Variants in COL6A5 observed in about 807,000 individuals in gnomAD.
The protein encoded by COL6A5 is collagen type VI alpha 5 chain.
COL6A5 carries 48 observed loss-of-function variants against 65.6 expected under a neutral mutation model. The ratio of observed to expected loss-of-function variants is 0.73; its 90% CI spans 0.58 to 0.93. The LOEUF (loss-of-function observed/expected upper bound fraction) is 0.93. COL6A5 is among the 40% of genes least tolerant of loss of function. The pLI is 0.00. For missense variants in COL6A5, 914 were observed against 928.3 expected (o/e 0.98, Z 0.20); for synonymous variants, 291 against 322.8 (o/e 0.90, Z 1.05).
intron 8 of COL6A5, among the ~76,000 whole-genome samples, chr3:130,397,226 C>A (rs1418469167): frequency 1.3e-5 from 2 of 152,086 alleles, no homozygotes; most frequent in African/African-American, 4.8e-5. Context: ...AAAATGCACG[C>A]CCACATGCAT....
intron 22 of COL6A5, among the ~76,000 whole-genome samples, 159 bp from the exon 23 acceptor site, chr3:130,415,486 G>T (rs1291498034): frequency 6.6e-6 from 1 of 152,062 alleles, no homozygotes; most frequent in Non-Finnish European, 1.5e-5. Context: ...AGTCCACTGG[G>T]CCTGTCCTCA....
At chr3:130,395,811 G>A (rs577615296) in intron 8 of COL6A5, among the ~76,000 whole-genome samples, 2 of 152,134 alleles carry the variant, frequency 1.3e-5, no homozygotes, top group Non-Finnish European at 2.9e-5. Context: ...CATCCAGTAG[G>A]AAGTAAGTAA....
At chr3:130,437,062 T>A (rs1319925796) in intron 1 of COL6A5, among the ~76,000 whole-genome samples, 1 of 152,118 alleles carries the variant, frequency 6.6e-6, no homozygotes, top group African/African-American at 2.4e-5. Flanking sequence ...CGTACAGCCC[T>A]CTTCATCACA....
rs568952008 is a variant in COL6A5 at position 130,412,587 on chromosome 3, G to A, written c.4663-958G>A. Among the ~76,000 whole-genome samples, 7 of 152,292 alleles carry A rather than the reference G, an allele frequency of 4.6e-5. No individual in the cohort carries two copies. In the South Asian group the frequency reaches 1.5e-3, roughly 32 times the overall value. ...ACAGAATTGTGATGTTATAGGAACC[G>A]AGGCCTCAATCTTTGTTTACTGTTT... On this transcript the variant is annotated intron_variant and NMD_transcript_variant, in intron 20 of 41. Coordinates refer to the COL6A5 transcript ENST00000312481.
chr3:130,471,433 A>G (rs1709950548), intron 7 of COL6A5, among the ~76,000 whole-genome samples: 1 of 152,138 alleles, frequency 6.6e-6, no homozygotes, highest in Non-Finnish European at 1.5e-5. Flanking sequence ...TACAACCCTA[A>G]GTACTCAATA....
chr3:130,430,613 A>T (rs568831226), upstream of COL6A5, among the ~76,000 whole-genome samples: 1 of 152,236 alleles, frequency 6.6e-6, no homozygotes, highest in African/African-American at 2.4e-5. Flanking sequence ...TTCAGTCATC[A>T]TAAGACATGA....
At chr3:130,352,796 A>G (rs1934772399) in intron 1 of COL6A5, among the ~76,000 whole-genome samples, 3 of 152,214 alleles carry the variant, frequency 2.0e-5, no homozygotes, top group Non-Finnish European at 4.4e-5. Context: ...TTTGGACAGA[A>G]GGAGATAACA....
intron 1 of COL6A5, among the ~76,000 whole-genome samples, chr3:130,346,970 TTAAAG>T (rs1266022279): frequency 6.6e-6 from 1 of 152,214 alleles, no homozygotes; most frequent in Non-Finnish European, 1.5e-5. Flanking sequence ...TTCATATGAA[TTAAAG>T]TAGAGAAGAT....
intron 13 of COL6A5, 50 bp from the exon 14 acceptor site, chr3:130,405,538 C>A: frequency 1.4e-6 from 2 of 1,399,354 alleles, no homozygotes; most frequent in Non-Finnish European, 2.0e-6. Context: ...CCACTGGCAG[C>A]TTCTGGCAAA....
rs143134200 is a variant in COL6A5, at chr3:130,414,243, A to G, written c.4761+112A>G. On this transcript the variant is annotated intron_variant and NMD_transcript_variant, in intron 22 of 41. Transcript: ENST00000312481. ...TAACTGAGAATCTGCCCCCTGCCCT[A>G]TTTTGCATTCCCTATCATGGGGTGG... The G allele has an allele frequency of 3.8e-4, 321 of 845,420 alleles. No individual in the cohort carries two copies. The African/African-American group carries it at 4.9e-3, about 13-fold the overall frequency. The allele number at this position is 845,420 out of a possible 1,614,324, so 52.4% of individuals were successfully genotyped here. A position where few individuals can be genotyped will look rare whatever the true frequency, so the allele number is the denominator to read the frequency against.
At chr3:130,355,213 T>C (rs1230462415) in intron 1 of COL6A5, among the ~76,000 whole-genome samples, 2 of 152,098 alleles carry the variant, frequency 1.3e-5, no homozygotes, top group Non-Finnish European at 2.9e-5. Context: ...GTGCACATTC[T>C]ATTTAAATTT....
Position 130,358,412 on chromosome 3 carries a change from T to C in COL6A5, c.-29+12431T>C, listed in dbSNP as rs552208099. On this transcript the variant is annotated intron_variant and NMD_transcript_variant, in intron 1 of 41. Transcript: ENST00000312481. ...TCAGCAAAGTGGTCAATATAAATAA[T>C]TTAGTAACATGAGTAAGAGAAAAGA... Among the ~76,000 whole-genome samples the C allele has an allele frequency of 2.2e-4, 33 of 152,202 alleles. 1 individual carries two copies. In the East Asian group the frequency reaches 6.2e-3, roughly 28 times the overall value.
chr3:130,432,878 A>G (rs553981947), intron 1 of COL6A5, among the ~76,000 whole-genome samples: 1 of 152,300 alleles, frequency 6.6e-6, no homozygotes, highest in Non-Finnish European at 1.5e-5. Context: ...TCAAGGGATC[A>G]GTGCTCCCCT....
chr3:130,432,413 T>C (rs1937858875), intron 1 of COL6A5, among the ~76,000 whole-genome samples: 1 of 151,966 alleles, frequency 6.6e-6, no homozygotes, highest in African/African-American at 2.4e-5. Context: ...ATTAGCTGCA[T>C]GGTGGCGCGT....
rs535101639 is a variant in COL6A5, at chr3:130,437,075, T to C, written c.488-2447T>C. Among the ~76,000 whole-genome samples, 3 of 152,242 alleles carry C rather than the reference T, an allele frequency of 2.0e-5. No individual in the cohort carries two copies. In the South Asian group the frequency reaches 6.2e-4, roughly 32 times the overall value. On this transcript the variant is annotated intron_variant, in intron 1 of 7. Coordinates refer to ENST00000512836, the Ensembl canonical transcript of COL6A5. ...AACGTACAGCCCTCTTCATCACAGC[T>C]AATAAAAATCCCATTCTTCTACTTG...
At chr3:130,466,364 A>G (rs907407146) in intron 5 of COL6A5, among the ~76,000 whole-genome samples, 4 of 152,050 alleles carry the variant, frequency 2.6e-5, no homozygotes, top group Admixed American at 2.6e-4. Flanking sequence ...GCAGTTTTAA[A>G]TAGTCCATGG....
chr3:130,470,932 C>G (rs756478859), exon 7 of COL6A5: 2 of 1,612,440 alleles, frequency 1.2e-6, no homozygotes, highest in Non-Finnish European at 1.7e-6. Flanking sequence ...TGACCTCTCC[C>G]AACCCAGAGA....
At chr3:130,469,766 G>T (rs1709905021) in intron 6 of COL6A5, among the ~76,000 whole-genome samples, 1 of 152,038 alleles carries the variant, frequency 6.6e-6, no homozygotes, top group African/African-American at 2.4e-5. Flanking sequence ...TAAATTGATT[G>T]TGTCATTTAA....
chr3:130,398,034 T>G, exon 10 of COL6A5: 1 of 1,551,028 alleles, frequency 6.4e-7, no homozygotes, highest in Non-Finnish European at 8.7e-7. Context: ...CTCCAGGTGC[T>G]GCTTATTTTT....
Sources: allele counts gnomAD v4.1 joint callset (sites outside exome capture counted in the v4.1 genomes callset), GRCh38; gene constraint gnomAD v4.1.1; transcripts MANE v1.5; gene names NCBI Gene and HGNC (gene_info 2026-07-23, HGNC 2026-07-21).